RABGEF1: variants seen among roughly 807,000 people sequenced by gnomAD.
The protein encoded by RABGEF1 is RAB guanine nucleotide exchange factor 1.
RABGEF1 carries 26 observed loss-of-function variants against 57.3 expected under a neutral mutation model. The ratio of observed to expected loss-of-function variants is 0.45; its 90% CI spans 0.33 to 0.63. RABGEF1 has a LOEUF of 0.63. RABGEF1 is among the 20% of genes least tolerant of loss of function. The pLI is 0.02. For synonymous variants in RABGEF1, 185 were observed against 210.7 expected (o/e 0.88, Z 1.06); for missense variants, 464 against 607.6 (o/e 0.76, Z 2.48).
the RABGEF1 span, among the ~76,000 whole-genome samples, chr7:66,658,993 C>T: frequency 6.6e-6 from 1 of 152,064 alleles, no homozygotes; most frequent in African/African-American, 2.4e-5. Context: ...CCTTGGCCTT[C>T]CAAAATGCTG....
chr7:66,768,839 G>A (rs1024529767), intron 1 of RABGEF1: 23 of 152,078 alleles, frequency 1.5e-4, no homozygotes, highest in African/African-American at 5.1e-4. Context: ...AGAAAACTGT[G>A]GATTTAGTTA....
chr7:66,717,103 G>A (rs1219227221), intron 2 of RABGEF1, among the ~76,000 whole-genome samples: 1 of 152,150 alleles, frequency 6.6e-6, no homozygotes, highest in South Asian at 2.1e-4. Flanking sequence ...ATGCCTCACT[G>A]TTTCCTTTCC....
In RABGEF1 at chr7:66,726,706, C is replaced by G. The variant is rs550290267; in HGVS notation, c.-814-13290C>G. On this transcript the variant is annotated intron_variant and NMD_transcript_variant, in intron 2 of 9. Coordinates refer to the RABGEF1 transcript ENST00000607882. ...TTTGTTTTCAGGATAATGAAATGGT[C>G]TAAAATGGACTGCGAGGTCAGGTGC... Among the ~76,000 whole-genome samples, 22 of 151,716 alleles carry G rather than the reference C, an allele frequency of 1.5e-4. 2 individuals carry two copies. The highest frequency in any genetic ancestry group is 5.3e-4 in the African/African-American group (22 of 41,414).
the RABGEF1 span, among the ~76,000 whole-genome samples, chr7:66,666,653 G>A: frequency 6.6e-6 from 1 of 152,212 alleles, no homozygotes; most frequent in African/African-American, 2.4e-5. Context: ...TGCAGGTCCT[G>A]GCTGCTCACA....
chr7:66,738,422 C>T (rs1798298931), upstream of RABGEF1, among the ~76,000 whole-genome samples: 1 of 152,172 alleles, frequency 6.6e-6, no homozygotes, highest in East Asian at 1.9e-4. Flanking sequence ...ACCTCTTCTG[C>T]TCAGCCCATT....
chr7:66,687,725 T>G (rs2707849), intron 1 of RABGEF1, among the ~76,000 whole-genome samples: 1 of 151,904 alleles, frequency 6.6e-6, no homozygotes, highest in Admixed American at 6.6e-5. Context: ...AATACAGACT[T>G]ACTTTAGATA....
In RABGEF1 at chr7:66,758,961, T is replaced by C. The variant is rs117881067; in HGVS notation, c.-17-12922T>C. Reference sequence around the variant, plus strand: ...GTAAATACAGTACAGACAGGTCCTGTGTACTCTTCTAGTTTGCCTAATGGT... The same window carrying C: ...GTAAATACAGTACAGACAGGTCCTGCGTACTCTTCTAGTTTGCCTAATGGT... On this transcript the variant is annotated intron_variant, in intron 1 of 8. Transcript: ENST00000284957. 8.7e-4 allele frequency among the ~76,000 whole-genome samples: 132 copies of C among 152,376 alleles called. 1 individual carries two copies. The East Asian group carries it at 0.018, about 21-fold the overall frequency.
the RABGEF1 span, among the ~76,000 whole-genome samples, chr7:66,671,057 T>A: frequency 6.6e-6 from 1 of 152,022 alleles, no homozygotes; most frequent in South Asian, 2.1e-4. Context: ...AGAGATGGGA[T>A]CTTGCTGTGT....
rs577719524 is a variant in RABGEF1, at chr7:66,733,787, G to T, written c.-814-6209G>T. 2.0e-5 allele frequency among the ~76,000 whole-genome samples: 3 copies of T among 152,262 alleles called. No homozygotes were observed. The East Asian group carries it at 5.8e-4, about 29-fold the overall frequency. On this transcript the variant is annotated intron_variant and NMD_transcript_variant, in intron 2 of 9. Coordinates refer to the RABGEF1 transcript ENST00000607882. ...GGAGGCTGAGACGGGCAGATCATTT[G>T]AGGTCAGGAGTTTGAGACCAGCCCA...
At chr7:66,785,254 G>A (rs1184655224) in intron 4 of RABGEF1, among the ~76,000 whole-genome samples, 1 of 152,114 alleles carries the variant, frequency 6.6e-6, no homozygotes, top group African/African-American at 2.4e-5. Flanking sequence ...CCTGCATATG[G>A]CCTCAGATTC....
intron 1 of RABGEF1, chr7:66,756,192 A>C (rs1418414891): frequency 1.7e-6 from 1 of 597,788 alleles, no homozygotes; most frequent in East Asian, 3.1e-5. Context: ...GCTAATAAAT[A>C]TCTCTAAAGA....
chr7:66,809,524 A>G lies in RABGEF1; in HGVS notation c.*240A>G, dbSNP rs1296092127. The G allele has an allele frequency of 5.2e-6, 2 of 384,370 alleles. No individual in the cohort carries two copies. The highest frequency in any genetic ancestry group is 2.1e-5 in the African/African-American group (1 of 48,442). 23.8% of individuals were successfully genotyped at this position (384,370 alleles called of 1,614,324 possible). A position where few individuals can be genotyped will look rare whatever the true frequency, so the allele number is the denominator to read the frequency against. On this transcript the variant is annotated 3_prime_UTR_variant, in exon 9 of 9. Transcript: ENST00000284957. The stretch of plus-strand genomic sequence containing the variant: ...AGGCTTGTGTGCAAATTTTGTCTCA[A>G]TCTTTTTTCCCTCCATGATTTTCCT...
intron 1 of RABGEF1, among the ~76,000 whole-genome samples, chr7:66,752,931 A>T (rs1445104861): frequency 1.3e-5 from 2 of 152,206 alleles, no homozygotes; most frequent in Non-Finnish European, 2.9e-5. Context: ...CAGTCTTCTG[A>T]TGAATTGTTT....
chr7:66,772,224 TCTC>T lies in RABGEF1; in HGVS notation c.179+147_179+149del, dbSNP rs1397905446. 2.5e-5 allele frequency: 14 copies of T among 559,978 alleles called. No homozygotes were observed. In the East Asian group the frequency reaches 4.6e-4, roughly 18 times the overall value. The allele number at this position is 559,978 out of a possible 1,614,324, so 34.7% of individuals were successfully genotyped here. On this transcript the variant is annotated intron_variant, in intron 2 of 8. Coordinates refer to ENST00000284957, the MANE Select transcript of RABGEF1 (RefSeq NM_014504.3). ...GGAAAAGGATGTTTTCCTCTCTTCT[TCTC>T]AGTCAGCTTTTAATGAACAGCTTTC...
upstream of RABGEF1, among the ~76,000 whole-genome samples, chr7:66,678,564 C>CAAAA (rs58309880): frequency 7.0e-5 from 6 of 86,176 alleles, no homozygotes; most frequent in South Asian, 4.4e-4. Flanking sequence ...GAGTCCGTCT[C>CAAAA]AAAAAAAAAA....
At chr7:66,732,061 C>T (rs1455579735) in intron 2 of RABGEF1, among the ~76,000 whole-genome samples, 2 of 152,220 alleles carry the variant, frequency 1.3e-5, no homozygotes. Flanking sequence ...GCCAGCCACC[C>T]CCAGCCCAGC....
chr7:66,665,014 C>T, the RABGEF1 span, among the ~76,000 whole-genome samples: 11 of 152,364 alleles, frequency 7.2e-5, no homozygotes, highest in African/African-American at 1.2e-4. Context: ...TGGCGAGTCT[C>T]GCCATGTGCA....
chr7:66,785,748 C>A (rs971204275), intron 4 of RABGEF1, among the ~76,000 whole-genome samples: 4 of 152,130 alleles, frequency 2.6e-5, no homozygotes, highest in African/African-American at 9.7e-5. Context: ...GTGGCAGGCG[C>A]CTGTAGTCCC....
Position 66,796,309 on chromosome 7 carries a change from A to G in RABGEF1, c.595+717A>G, listed in dbSNP as rs373080496. On this transcript the variant is annotated intron_variant, in intron 5 of 8. Coordinates refer to ENST00000284957, the MANE Select transcript of RABGEF1 (RefSeq NM_014504.3). The stretch of plus-strand genomic sequence containing the variant: ...ACCTTCACTGATACTAGACTTTAGG[A>G]TATACTTAGCACATGTGTGTGTCAG... 7.0e-4 allele frequency among the ~76,000 whole-genome samples: 106 copies of G among 152,256 alleles called. 1 individual carries two copies. In the South Asian group the frequency reaches 0.022, roughly 31 times the overall value.
Sources: allele counts gnomAD v4.1 joint callset (sites outside exome capture counted in the v4.1 genomes callset), GRCh38; gene constraint gnomAD v4.1.1; transcripts MANE v1.5; gene names NCBI Gene and HGNC (gene_info 2026-07-23, HGNC 2026-07-21).